Variants in CACNB1 observed in about 807,000 individuals in gnomAD.
CACNB1 encodes voltage-dependent L-type calcium channel subunit beta-1.
Under a neutral mutation model 71.6 loss-of-function variants are expected in CACNB1, and 29 were observed. The observed-to-expected ratio is 0.40, with a 90% CI of 0.30 to 0.55. CACNB1 has a LOEUF of 0.55. Ranked by LOEUF, CACNB1 falls within the 20% of genes least tolerant of loss-of-function variation. The pLI is 0.38. For missense variants in CACNB1, 623 were observed against 801.8 expected (o/e 0.78, Z 2.69); for synonymous variants, 300 against 319.6 (o/e 0.94, Z 0.65).
chr17:39,196,793 T>TG (rs2144190958), intron 1 of CACNB1, among the ~76,000 whole-genome samples: 1 of 18,258 alleles, frequency 5.5e-5, no homozygotes, highest in South Asian at 1.5e-3. Context: ...GGGGCGGGGG[T>TG]GGGGGTGGGG....
Position 39,177,534 on chromosome 17 carries a change from T to C in CACNB1, c.1148A>G (p.Glu383Gly). ...CTCATCCAGGATGATGTCAAACATTTCCTGTGAAGGCGGGGTTAGGGGGCA... is the reference window on the plus strand; with the variant it reads ...CTCATCCAGGATGATGTCAAACATTCCCTGTGAAGGCGGGGTTAGGGGGCA... ...ASEKLAQCPP[E>G]MFDIILDENQ... The change falls in exon 13 of 14, where the codon GAA becomes GGA. Residue 383 changes from glutamate to glycine, a missense_variant and splice_region_variant. Coordinates refer to ENST00000394303, the MANE Select transcript of CACNB1 (RefSeq NM_000723.5). 2 of 1,578,782 alleles carry C rather than the reference T, an allele frequency of 1.3e-6. No homozygotes were observed. The highest frequency in any genetic ancestry group is 3.4e-5 in the Admixed American group (2 of 58,032).
chr17:39,194,250 G>A lies in CACNB1; in HGVS notation c.171+634C>T, dbSNP rs1327313606. On this transcript the variant is annotated intron_variant, in intron 2 of 13. Transcript: ENST00000394303. The surrounding 1 kb of genome is among the most constrained non-coding windows in gnomAD (Gnocchi z 4.6). ...CCAGGGTTGACAGATGAGAGCAGCC[G>A]CTTACTGACTGAGCACAGAAGACCC... Among the ~76,000 whole-genome samples the A allele has an allele frequency of 1.3e-5, 2 of 152,104 alleles. No individual in the cohort carries two copies. Among genetic ancestry groups the A allele is most frequent in the Non-Finnish European group, 2.9e-5 (2 of 68,028 alleles).
chr17:39,197,451 G>C lies in CACNB1; in HGVS notation c.45C>G (p.Ser15=). ...TSMSRGPYPP[S]QEIPMEVFDP... is the part of the protein sequence containing the mutation. ...CGAAGACCTCCATGGGGATCTCCTG[G>C]GAGGGTGGGTAAGGGCCCCGGGACA... Residue 15 remains serine (S), a synonymous_variant, in exon 1 of 14, where the codon TCC becomes TCG. Coordinates refer to ENST00000394303, the MANE Select transcript of CACNB1 (RefSeq NM_000723.5). The C allele has an allele frequency of 6.7e-7, 1 of 1,484,964 alleles. No individual in the cohort carries two copies. Among genetic ancestry groups the C allele is most frequent in the Non-Finnish European group, 8.9e-7 (1 of 1,122,212 alleles). The allele number at this position is 1,484,964 out of a possible 1,614,324, so 92.0% of individuals were successfully genotyped here. A position where few individuals can be genotyped will look rare whatever the true frequency, so the allele number is the denominator to read the frequency against.
intron 11 of CACNB1, 142 bp from the exon 12 acceptor site, chr17:39,178,221 C>T: frequency 1.5e-6 from 1 of 667,574 alleles, no homozygotes; most frequent in Non-Finnish European, 2.7e-6. Context: ...GCCCTGGGCA[C>T]CTCTGCAGAA....
chr17:39,184,752 C>T lies in CACNB1; in HGVS notation c.729+32G>A, dbSNP rs775477295. The stretch of plus-strand genomic sequence containing the variant: ...GGGTCTGAAGATCTTTCTAAGGCCC[C>T]TCTGCATCCACTCCCCTCTAGGAAG... On this transcript the variant is annotated intron_variant, in intron 8 of 13. Coordinates refer to ENST00000394303, the MANE Select transcript of CACNB1 (RefSeq NM_000723.5). The T allele has an allele frequency of 5.6e-6, 8 of 1,439,534 alleles. No individual in the cohort carries two copies. In the South Asian group the frequency reaches 9.1e-5, roughly 16 times the overall value. 89.2% of individuals were successfully genotyped at this position (1,439,534 alleles called of 1,614,324 possible).
intron 1 of CACNB1, 181 bp from the exon 2 acceptor site, chr17:39,195,151 GGA>G (rs1188611176): frequency 1.8e-6 from 1 of 563,950 alleles, no homozygotes; most frequent in Admixed American, 3.3e-5. Flanking sequence ...CCATCCTCAC[GGA>G]GAGGGCCCAG....
At chr17:39,184,407 G>T in intron 8 of CACNB1, 24 bp from the exon 9 acceptor site, 1 of 1,200,130 alleles carries the variant, frequency 8.3e-7, no homozygotes, top group Non-Finnish European at 1.2e-6. Flanking sequence ...TTTGTGGGGA[G>T]GGAGGGAGGA....
intron 8 of CACNB1, 119 bp from the exon 9 acceptor site, chr17:39,184,502 A>G (rs908328779): frequency 1.5e-6 from 1 of 686,164 alleles, no homozygotes; most frequent in Non-Finnish European, 2.6e-6. Flanking sequence ...ACAGGCCTTT[A>G]CGGCGGGCGG....
intron 11 of CACNB1, among the ~76,000 whole-genome samples, chr17:39,180,979 T>C (rs2045742694): frequency 6.6e-6 from 1 of 152,208 alleles, no homozygotes; most frequent in Non-Finnish European, 1.5e-5. Flanking sequence ...AAAATAAGAT[T>C]TTTTTGATAC....
intron 7 of CACNB1, 113 bp downstream of exon 7, chr17:39,185,018 A>G: frequency 9.2e-7 from 1 of 1,084,530 alleles, no homozygotes; most frequent in Non-Finnish European, 1.4e-6. Flanking sequence ...ATGGCCAGGG[A>G]GAACCAGGAA....
At chr17:39,183,922 G>C (rs963001118) in intron 10 of CACNB1, 58 bp from the exon 11 acceptor site, 14 of 1,582,406 alleles carry the variant, frequency 8.8e-6, no homozygotes, top group South Asian at 5.6e-5. Flanking sequence ...AGGAACAGCA[G>C]GTGGAGGGAA....
At chr17:39,197,287 C>T (rs2046221261) in intron 1 of CACNB1, 125 bp downstream of exon 1, 1 of 529,210 alleles carries the variant, frequency 1.9e-6, no homozygotes, top group Non-Finnish European at 3.2e-6. Flanking sequence ...ATGGGGGGCG[C>T]GCAGGCATCC....
chr17:39,192,208 A>G (rs1452461131), intron 2 of CACNB1: 1 of 154,118 alleles, frequency 6.5e-6, no homozygotes, highest in East Asian at 1.9e-4. Flanking sequence ...CCTAGGACAC[A>G]AGAGAACCCA....
chr17:39,186,606 A>C lies in CACNB1; in HGVS notation c.552-34T>G. 6.3e-7 allele frequency: 1 copy of C among 1,595,726 alleles called. No homozygotes were observed. Among genetic ancestry groups the C allele is most frequent in the Non-Finnish European group, 8.6e-7 (1 of 1,164,774 alleles). On this transcript the variant is annotated intron_variant, in intron 5 of 13. Transcript: ENST00000394303. This position sits in a 1 kb window ranked among gnomAD's most constrained non-coding sequence, Gnocchi z 4.1. ...GCAGAGGCAAACCGAGCTTGTGAGC[A>C]AAGAGGTGGGCGTGGGGGGCTCTCA...
chr17:39,184,105 AG>A lies in CACNB1; in HGVS notation c.823del (p.Leu275TrpfsTer97). ...SITRVTADIS[L>X]AKRSVLNNPS... ...GTTGTTGAGAACTGAGCGCTTAGCCAGGGAAATATCTGCCGTCACACGAGTG... is the reference window on the plus strand; with the variant it reads ...GTTGTTGAGAACTGAGCGCTTAGCCAGGAAATATCTGCCGTCACACGAGTG... On this transcript the variant is annotated frameshift_variant, in exon 10 of 14. Transcript: ENST00000394303. LOFTEE classifies it high-confidence loss of function. 6.2e-7 allele frequency: 1 copy of A among 1,613,544 alleles called. No homozygotes were observed. Among genetic ancestry groups the A allele is most frequent in the East Asian group, 2.2e-5 (1 of 44,864 alleles).
At position 39,186,015 on chromosome 17, in the gene CACNB1, T is replaced by G. The variant is rs1214813361; in HGVS notation, c.628+481A>C. On this transcript the variant is annotated intron_variant, in intron 6 of 13. Transcript: ENST00000394303. This position sits in a 1 kb window ranked among gnomAD's most constrained non-coding sequence, Gnocchi z 4.1. Reference sequence around the variant, plus strand: ...GTGGTGACACTGCTAACACTAGTCTTGGCAGAGCCACTCTGCTCACCAAGC... The same window carrying G: ...GTGGTGACACTGCTAACACTAGTCTGGGCAGAGCCACTCTGCTCACCAAGC... The G allele has an allele frequency of 6.2e-7, 1 of 1,613,844 alleles. No homozygotes were observed. The highest frequency in any genetic ancestry group is 1.3e-5 in the African/African-American group (1 of 74,918).
At position 39,173,972 on chromosome 17, in the gene CACNB1, G is replaced by C. The variant is rs908468938; in HGVS notation, c.*1221C>G. The C allele has an allele frequency of 6.5e-6, 1 of 152,820 alleles. No individual in the cohort carries two copies. The highest frequency in any genetic ancestry group is 1.5e-5 in the Non-Finnish European group (1 of 68,110). 9.5% of individuals were successfully genotyped at this position (152,820 alleles called of 1,614,324 possible). On this transcript the variant is annotated 3_prime_UTR_variant, in exon 14 of 14. Coordinates refer to ENST00000394303, the MANE Select transcript of CACNB1 (RefSeq NM_000723.5). The stretch of plus-strand genomic sequence containing the variant: ...GCTGCACCCCACCCCCAGGTGGAGG[G>C]TGGGACATTGGCACAGGAGGTGGCG...
intron 11 of CACNB1, among the ~76,000 whole-genome samples, chr17:39,179,280 C>CAAAAAA (rs35292368): frequency 4.1e-5 from 2 of 48,652 alleles, no homozygotes; most frequent in African/African-American, 7.0e-5. Context: ...GACTCCGTCT[C>CAAAAAA]AAAAAAAAAA....
At chr17:39,188,523 G>A (rs955556796) in intron 3 of CACNB1, among the ~76,000 whole-genome samples, 3 of 151,852 alleles carry the variant, frequency 2.0e-5, no homozygotes, top group Non-Finnish European at 4.4e-5. Context: ...GCAGTGAGCC[G>A]AGATCATGCC....
Sources: gnomAD v4.1 joint callset for allele counts (sites outside exome capture counted in the v4.1 genomes callset) on GRCh38, gnomAD v4.1.1 for gene constraint, Gnocchi (gnomAD v3.1) non-coding constraint, MANE v1.5 for transcripts, NCBI Gene and HGNC (gene_info 2026-07-23, HGNC 2026-07-21) for gene names.